ASAP1: variants seen among roughly 807,000 people sequenced by gnomAD.
ASAP1 encodes ArfGAP with SH3 domain, ankyrin repeat and PH domain 1.
ASAP1 carries 43 observed loss-of-function variants against 145.2 expected under a neutral mutation model. The observed-to-expected ratio is 0.30, with a 90% CI of 0.23 to 0.38. The LOEUF (loss-of-function observed/expected upper bound fraction) is 0.38. ASAP1 is among the 10% of genes least tolerant of loss of function. The pLI is 1.00. For synonymous variants in ASAP1, 546 were observed against 515.5 expected, an observed-to-expected ratio of 1.06 and a Z score of -0.80; for missense variants, 1,018 against 1,355.3, an observed-to-expected ratio of 0.75 and a Z score of 3.91.
chr8:130,096,166 T>C (rs147916936), intron 24 of ASAP1, among the ~76,000 whole-genome samples: 1 of 152,234 alleles, frequency 6.6e-6, no homozygotes, highest in African/African-American at 2.4e-5. Context: ...AAAAATACTA[T>C]ATATAAGACC....
At chr8:130,411,534 T>C (rs1052203404) in intron 1 of ASAP1, among the ~76,000 whole-genome samples, 12 of 152,350 alleles carry the variant, frequency 7.9e-5, no homozygotes, top group African/African-American at 2.4e-4. Context: ...CTGTGTTTCC[T>C]TGGATCACCT....
In ASAP1 at chr8:130,359,450, GA is replaced by G. The variant is rs796369790; in HGVS notation, c.60-1308del. Among the ~76,000 whole-genome samples, 435 of 149,288 alleles carry G rather than the reference GA, an allele frequency of 2.9e-3. 4 individuals are homozygous for G. The highest frequency in any genetic ancestry group is 1.9e-3 in the Non-Finnish European group (124 of 66,996). On this transcript the variant is annotated intron_variant, in intron 2 of 29. Transcript: ENST00000518721. The stretch of plus-strand genomic sequence containing the variant: ...ATTTGGTTTAAAAGAAGAAGAAGAA[GA>G]AAAAAAAAGCTAGGCCTTTGGGAAG...
At chr8:130,394,851 G>C (rs1229533203) in intron 2 of ASAP1, among the ~76,000 whole-genome samples, 1 of 152,096 alleles carries the variant, frequency 6.6e-6, no homozygotes, top group Middle Eastern at 3.2e-3. Flanking sequence ...AACTCCTAAG[G>C]GGTACAGATG....
chr8:130,181,163 G>A (rs981973192), intron 7 of ASAP1, among the ~76,000 whole-genome samples: 48 of 152,160 alleles, frequency 3.2e-4, no homozygotes, highest in African/African-American at 1.2e-3. Flanking sequence ...AAAAGCCACT[G>A]ATTATTAATT....
Position 130,118,752 on chromosome 8 carries a change from CTT to C in ASAP1, c.1608-79_1608-78del, listed in dbSNP as rs548767708. ...TTACATTTTTCTGACAAACATTTCTCTTTGAGAAGTTATTTTAATTAAGATAC... is the reference window on the plus strand; with the variant it reads ...TTACATTTTTCTGACAAACATTTCTCTGAGAAGTTATTTTAATTAAGATAC... On this transcript the variant is annotated intron_variant, in intron 18 of 29. Transcript: ENST00000518721. 672 of 1,087,818 alleles carry C rather than the reference CTT, an allele frequency of 6.2e-4. 2 individuals carry two copies. In the African/African-American group the frequency reaches 9.9e-3, roughly 16 times the overall value. 67.4% of individuals were successfully genotyped at this position (1,087,818 alleles called of 1,614,324 possible). A position where few individuals can be genotyped will look rare whatever the true frequency, so the allele number is the denominator to read the frequency against.
At chr8:130,132,048 T>C (rs977638027) in intron 15 of ASAP1, among the ~76,000 whole-genome samples, 4 of 121,924 alleles carry the variant, frequency 3.3e-5, no homozygotes, top group Non-Finnish European at 7.0e-5. Context: ...CTTAGGGTTT[T>C]GAGAAAGGGA....
intron 3 of ASAP1, among the ~76,000 whole-genome samples, chr8:130,328,611 C>T (rs1224183203): frequency 3.6e-5 from 5 of 137,494 alleles, no homozygotes; most frequent in Non-Finnish European, 7.9e-5. Flanking sequence ...CTCAGTAGTT[C>T]TTTTTTTTTT....
chr8:130,305,530 A>C (rs144316767), intron 3 of ASAP1, among the ~76,000 whole-genome samples: 4,027 of 152,056 alleles, frequency 0.026, 64 homozygotes, highest in Middle Eastern at 0.044. Flanking sequence ...TGTCTGGCTA[A>C]TTTTTGTATT....
chr8:130,425,636 G>T (rs1319790864), intron 1 of ASAP1, among the ~76,000 whole-genome samples: 1 of 152,168 alleles, frequency 6.6e-6, no homozygotes, highest in Non-Finnish European at 1.5e-5. Flanking sequence ...AGCATAAGGG[G>T]GATCCTGGGA....
At chr8:130,208,288 T>G (rs1816356012) in intron 5 of ASAP1, among the ~76,000 whole-genome samples, 1 of 152,192 alleles carries the variant, frequency 6.6e-6, no homozygotes, top group Non-Finnish European at 1.5e-5. Context: ...ATGCATTCAT[T>G]GTTTTGGTAT....
At chr8:130,054,859 G>A (rs1396819848) in intron 29 of ASAP1, 54 bp from the exon 30 acceptor site, 4 of 1,442,852 alleles carry the variant, frequency 2.8e-6, no homozygotes, top group African/African-American at 1.4e-5. Context: ...GTGGCCCCAC[G>A]ACAAACCCAG....
intron 3 of ASAP1, among the ~76,000 whole-genome samples, chr8:130,304,225 G>A (rs1408277879): frequency 6.6e-6 from 1 of 150,656 alleles, no homozygotes; most frequent in Admixed American, 6.7e-5. Context: ...ACGGCTCCTA[G>A]ATCTTATGTT....
intron 12 of ASAP1, among the ~76,000 whole-genome samples, chr8:130,158,171 T>C (rs1209809391): frequency 6.6e-6 from 1 of 151,848 alleles, no homozygotes; most frequent in Non-Finnish European, 1.5e-5. Flanking sequence ...AAGGAGTACG[T>C]ATCCACAAGT....
chr8:130,149,301 T>C (rs984729759), intron 13 of ASAP1, among the ~76,000 whole-genome samples: 8 of 150,614 alleles, frequency 5.3e-5, no homozygotes, highest in Non-Finnish European at 1.0e-4. Context: ...AATTCAGAGA[T>C]TCACACTGAA....
chr8:130,422,149 C>T (rs1250039743), intron 1 of ASAP1, among the ~76,000 whole-genome samples: 1 of 152,116 alleles, frequency 6.6e-6, no homozygotes, highest in Non-Finnish European at 1.5e-5. Context: ...GTAGACAAAC[C>T]TTACAGGCCT....
At chr8:130,114,477 C>T (rs923844733) in intron 23 of ASAP1, among the ~76,000 whole-genome samples, 2 of 152,162 alleles carry the variant, frequency 1.3e-5, no homozygotes, top group South Asian at 4.1e-4. Flanking sequence ...CTGGAAGCTG[C>T]TCTGGGTGTG....
intron 5 of ASAP1, among the ~76,000 whole-genome samples, chr8:130,193,933 G>C (rs993105605): frequency 2.0e-5 from 3 of 152,068 alleles, no homozygotes; most frequent in Non-Finnish European, 4.4e-5. Context: ...CATGTGATCT[G>C]CCCGCCTCTG....
At chr8:130,122,671 A>G (rs145883763) in intron 18 of ASAP1, among the ~76,000 whole-genome samples, 24 of 152,344 alleles carry the variant, frequency 1.6e-4, no homozygotes, top group Middle Eastern at 3.4e-3. Context: ...TGGCAGAGCT[A>G]TGATATGAAC....
At chr8:130,438,592 G>A (rs577347443) in intron 1 of ASAP1, among the ~76,000 whole-genome samples, 1 of 152,214 alleles carries the variant, frequency 6.6e-6, no homozygotes, top group Non-Finnish European at 1.5e-5. Context: ...CTTGGGGTAC[G>A]AGGCGGGGAG....
Sources: allele counts gnomAD v4.1 joint callset (sites outside exome capture counted in the v4.1 genomes callset), GRCh38; gene constraint gnomAD v4.1.1; transcripts MANE v1.5; gene names NCBI Gene and HGNC (gene_info 2026-07-23, HGNC 2026-07-21).